PUS7: variants seen among roughly 807,000 people sequenced by gnomAD.
PUS7 encodes the protein pseudouridylate synthase 7 homolog.
PUS7 carries 48 observed loss-of-function variants against 79.8 expected under a neutral mutation model. That is an observed-to-expected ratio of 0.60 (90% CI 0.48 to 0.76). The LOEUF (loss-of-function observed/expected upper bound fraction) is 0.76, where lower values mean the gene tolerates loss of function less well. Ranked by LOEUF, PUS7 falls within the 30% of genes least tolerant of loss-of-function variation. The pLI is 0.00. For missense variants in PUS7, 729 were observed against 797.6 expected, an observed-to-expected ratio of 0.91 and a Z score of 1.04; for synonymous variants, 286 against 272.2, an observed-to-expected ratio of 1.05 and a Z score of -0.50.
chr7:105,506,254 G>T lies in PUS7; in HGVS notation c.418C>A (p.His140Asn), dbSNP rs775764514. ...ATCCGTCCATCTTTTCCTATTTCAT[G>T]AACAACGAAGTCGGAGTATCTGATG... is the stretch of plus-strand genomic sequence containing the variant. The part of the protein sequence containing the change: ...LKERYSDFVV[H>N]EIGKDGRISH... The change falls in exon 3 of 16, where the codon CAT becomes AAT. Residue 140 changes from histidine (H) to asparagine (N), a missense_variant. Physicochemically the swap from His to Asn is moderately conservative, Grantham distance 68. Transcript: ENST00000469408. 1.9e-6 allele frequency: 3 copies of T among 1,612,148 alleles called. No homozygotes were observed. Among genetic ancestry groups the T allele is most frequent in the Non-Finnish European group, 1.7e-6 (2 of 1,179,038 alleles).
At chr7:105,487,440 G>A (rs1246446558) in intron 7 of PUS7, among the ~76,000 whole-genome samples, 2 of 151,980 alleles carry the variant, frequency 1.3e-5, no homozygotes, top group Non-Finnish European at 2.9e-5. Flanking sequence ...TCTTTTTTGT[G>A]GCCGAATAGT....
chr7:105,486,496 G>A, intron 7 of PUS7, among the ~76,000 whole-genome samples: 1 of 152,170 alleles, frequency 6.6e-6, no homozygotes, highest in Non-Finnish European at 1.5e-5. Context: ...GACTATGTAT[G>A]GGAGCAATGG....
At chr7:105,504,243 G>A (rs558528126) in intron 4 of PUS7, among the ~76,000 whole-genome samples, 9 of 150,500 alleles carry the variant, frequency 6.0e-5, no homozygotes, top group Non-Finnish European at 8.9e-5. Context: ...CTAATTTTTC[G>A]TATTTTTAGT....
At chr7:105,484,719 G>C (rs563295817) in intron 7 of PUS7, among the ~76,000 whole-genome samples, 1 of 151,382 alleles carries the variant, frequency 6.6e-6, no homozygotes, top group Admixed American at 6.6e-5. Flanking sequence ...CTTGGGGGCT[G>C]AGGCAGGAGA....
intron 1 of PUS7, among the ~76,000 whole-genome samples, chr7:105,519,375 A>G (rs1826018442): frequency 6.6e-6 from 1 of 152,048 alleles, no homozygotes; most frequent in Non-Finnish European, 1.5e-5. Flanking sequence ...CTGGGATTAC[A>G]GGCATGGGCT....
intron 10 of PUS7, among the ~76,000 whole-genome samples, chr7:105,471,820 G>A (rs527264935): frequency 1.7e-4 from 25 of 151,412 alleles, no homozygotes; most frequent in African/African-American, 5.8e-4. Flanking sequence ...GCTGAGGCAG[G>A]AGAATCACTT....
At chr7:105,521,524 G>C (rs1325343893) in intron 1 of PUS7, among the ~76,000 whole-genome samples, 2 of 152,208 alleles carry the variant, frequency 1.3e-5, no homozygotes, top group Admixed American at 6.5e-5. Flanking sequence ...AAAGCAAGCA[G>C]TCCCCAGAGC....
At chr7:105,502,992 G>A (rs1825316338) in intron 4 of PUS7, among the ~76,000 whole-genome samples, 1 of 152,170 alleles carries the variant, frequency 6.6e-6, no homozygotes, top group South Asian at 2.1e-4. Flanking sequence ...GAGCCACCGT[G>A]CCCAGTCTCA....
At chr7:105,501,448 T>C (rs1269767145) in intron 5 of PUS7, among the ~76,000 whole-genome samples, 1 of 152,204 alleles carries the variant, frequency 6.6e-6, no homozygotes, top group East Asian at 1.9e-4. Flanking sequence ...ATAGAAACTT[T>C]TGTGGCTGTA....
Position 105,460,853 on chromosome 7 carries a change from CAAAA to C in PUS7, c.1758-1598_1758-1595del, listed in dbSNP as rs55923593. Among the ~76,000 whole-genome samples, 139 of 83,560 alleles carry C rather than the reference CAAAA, an allele frequency of 1.7e-3. 2 individuals carry two copies. In the South Asian group the frequency reaches 0.022, roughly 13 times the overall value. 54.8% of individuals were successfully genotyped at this position (83,560 alleles called of 152,430 possible). ...TGGGCGACAGAGCGAGACTCCGTCT[CAAAA>C]AAAAAAAAAAAAAAAAAAATTTGTT... On this transcript the variant is annotated intron_variant, in intron 14 of 15. Transcript: ENST00000469408.
chr7:105,487,296 T>C (rs1376759657), intron 7 of PUS7, among the ~76,000 whole-genome samples: 1 of 152,204 alleles, frequency 6.6e-6, no homozygotes, highest in African/African-American at 2.4e-5. Context: ...ACTTTCTGCC[T>C]CTATAGATTT....
intron 14 of PUS7, 110 bp downstream of exon 14, chr7:105,462,511 C>A: frequency 8.9e-7 from 1 of 1,125,652 alleles, no homozygotes; most frequent in Non-Finnish European, 1.3e-6. Flanking sequence ...TATAAGCAAT[C>A]TGTCACTGAC....
rs1308086053 is a variant in PUS7, at chr7:105,462,700, T to C, written c.1678A>G (p.Asn560Asp). The change falls in exon 14 of 16, where the codon AAC becomes GAC. Residue 560 changes from asparagine (N) to aspartate (D), a missense_variant. Transcript: ENST00000469408. ...TAATCTCGAATTTTGTGTCTCATGT[T>C]GTCAATATCAAGATTGTCAGCTGTG... ...MLTADNLDID[N>D]MRHKIRDYSL... 1 of 1,613,764 alleles carries C rather than the reference T, an allele frequency of 6.2e-7. No individual in the cohort carries two copies. The highest frequency in any genetic ancestry group is 2.2e-5 in the East Asian group (1 of 44,864).
intron 6 of PUS7, 120 bp from the exon 7 acceptor site, chr7:105,491,737 G>T (rs1002349101): frequency 2.2e-5 from 14 of 623,748 alleles, no homozygotes; most frequent in Non-Finnish European, 3.5e-5. Flanking sequence ...AGTAAGAGAA[G>T]AATGAGGAGA....
intron 5 of PUS7, chr7:105,496,985 C>G: frequency 8.3e-7 from 1 of 1,207,098 alleles, no homozygotes; most frequent in Non-Finnish European, 1.1e-6. Flanking sequence ...TCCAAATGCA[C>G]AGCATAAAGA....
At chr7:105,496,216 TATATATATATAG>T (rs1476560890) in intron 5 of PUS7, among the ~76,000 whole-genome samples, 155 of 76,720 alleles carry the variant, frequency 2.0e-3, no homozygotes, top group African/African-American at 8.0e-3. Context: ...TATATATATA[TATATATATATAG>T]AGAGAGAGAG....
At chr7:105,484,403 C>A (rs1824456025) in intron 7 of PUS7, among the ~76,000 whole-genome samples, 1 of 151,866 alleles carries the variant, frequency 6.6e-6, no homozygotes, top group African/African-American at 2.4e-5. Context: ...TAGCTTGAGC[C>A]CAGGAGTTCA....
intron 13 of PUS7, 111 bp downstream of exon 13, chr7:105,465,202 G>A: frequency 1.7e-6 from 1 of 600,774 alleles, no homozygotes; most frequent in Non-Finnish European, 2.8e-6. Context: ...CCATGTGAAT[G>A]CATCCCTTTC....
At chr7:105,480,777 A>C (rs765648714) in intron 9 of PUS7, among the ~76,000 whole-genome samples, 1 of 152,144 alleles carries the variant, frequency 6.6e-6, no homozygotes. Context: ...ACTCTGTCTC[A>C]GAAAAAATAA....
Sources: gnomAD v4.1 joint callset for allele counts (sites outside exome capture counted in the v4.1 genomes callset) on GRCh38, gnomAD v4.1.1 for gene constraint, MANE v1.5 for transcripts, NCBI Gene and HGNC (gene_info 2026-07-23, HGNC 2026-07-21) for gene names.